The following ANKS1B variants were observed in gnomAD, a reference collection of about 807,000 sequenced individuals.
The protein encoded by ANKS1B is ankyrin repeat and sterile alpha motif domain-containing protein 1B.
A neutral mutation model predicts 148.3 loss-of-function variants in ANKS1B; 36 were observed. The observed-to-expected ratio is 0.24, with a 90% CI of 0.19 to 0.32. The LOEUF is 0.32. ANKS1B is among the 10% of genes least tolerant of loss of function. The pLI, the probability that ANKS1B is intolerant of heterozygous loss-of-function variation, is 1.00. For missense variants in ANKS1B, 1,157 were observed against 1,542.6 expected (o/e 0.75, Z 4.19); for synonymous variants, 542 against 560.8 (o/e 0.97, Z 0.47).
At chr12:98,910,209 A>G (rs1333131940) in intron 17 of ANKS1B, among the ~76,000 whole-genome samples, 2 of 152,198 alleles carry the variant, frequency 1.3e-5, no homozygotes, top group Non-Finnish European at 2.9e-5. Flanking sequence ...TAACAACACA[A>G]AGGAAGTGAA....
At chr12:99,019,503 A>G (rs1160109085) in intron 17 of ANKS1B, among the ~76,000 whole-genome samples, 1 of 152,224 alleles carries the variant, frequency 6.6e-6, no homozygotes, top group East Asian at 1.9e-4. Flanking sequence ...GATGTGAAAT[A>G]ACTGATAAAG....
intron 17 of ANKS1B, among the ~76,000 whole-genome samples, chr12:99,002,034 C>A (rs555314007): frequency 1.3e-5 from 2 of 152,200 alleles, no homozygotes; most frequent in East Asian, 3.9e-4. Context: ...TACATATTGT[C>A]TTTATCCATT....
intron 9 of ANKS1B, among the ~76,000 whole-genome samples, chr12:99,613,610 C>G (rs1168120944): frequency 6.6e-6 from 1 of 152,010 alleles, no homozygotes; most frequent in Admixed American, 6.6e-5. Flanking sequence ...GAACAGAAAA[C>G]TAAGTATTGT....
intron 1 of ANKS1B, among the ~76,000 whole-genome samples, chr12:99,900,988 CA>C (rs1304918485): frequency 6.6e-6 from 1 of 152,112 alleles, no homozygotes; most frequent in African/African-American, 2.4e-5. Context: ...GTCCCCTCAA[CA>C]AGTATAATTA....
At chr12:98,968,228 C>A (rs1181033944) in intron 17 of ANKS1B, among the ~76,000 whole-genome samples, 8 of 152,020 alleles carry the variant, frequency 5.3e-5, no homozygotes, top group Non-Finnish European at 1.0e-4. Flanking sequence ...AAAACAACAA[C>A]AAAAAACCCC....
intron 9 of ANKS1B, among the ~76,000 whole-genome samples, chr12:99,538,474 T>A (rs1400574602): frequency 6.6e-6 from 1 of 152,132 alleles, no homozygotes. Context: ...ATCATTCACT[T>A]CTTTTCTTAA....
At chr12:98,957,927 G>C (rs1237955110) in intron 17 of ANKS1B, among the ~76,000 whole-genome samples, 1 of 152,128 alleles carries the variant, frequency 6.6e-6, no homozygotes, top group Non-Finnish European at 1.5e-5. Context: ...GCAACTCCTA[G>C]AGAGTAGGCA....
intron 17 of ANKS1B, among the ~76,000 whole-genome samples, chr12:98,832,490 G>C (rs2099327101): frequency 6.6e-6 from 1 of 152,028 alleles, no homozygotes; most frequent in Non-Finnish European, 1.5e-5. Flanking sequence ...AGAGGGACAG[G>C]CTGCCCTCTG....
chr12:99,701,060 T>G (rs148475457), intron 8 of ANKS1B, among the ~76,000 whole-genome samples: 1 of 152,276 alleles, frequency 6.6e-6, no homozygotes, highest in East Asian at 1.9e-4. Flanking sequence ...AAACAACACA[T>G]TATAGTTTAA....
intron 2 of ANKS1B, among the ~76,000 whole-genome samples, chr12:99,824,095 T>C (rs563877612): frequency 1.3e-5 from 2 of 152,226 alleles, no homozygotes; most frequent in Non-Finnish European, 2.9e-5. Context: ...AAATTCAAAA[T>C]GAATTTTAGA....
intron 14 of ANKS1B, among the ~76,000 whole-genome samples, chr12:99,195,965 A>G (rs1156476935): frequency 2.0e-5 from 3 of 152,172 alleles, no homozygotes; most frequent in Admixed American, 2.0e-4. Context: ...TAAAGGATTC[A>G]CCATCCACAT....
intron 17 of ANKS1B, among the ~76,000 whole-genome samples, chr12:98,871,475 T>C (rs1253126140): frequency 6.6e-6 from 1 of 152,180 alleles, no homozygotes; most frequent in Non-Finnish European, 1.5e-5. Flanking sequence ...AAAAATTAGA[T>C]ACCTTGCACA....
intron 16 of ANKS1B, chr12:99,079,737 G>C (rs2049002056): frequency 6.6e-6 from 1 of 152,178 alleles, no homozygotes; most frequent in East Asian, 1.9e-4. Context: ...AAGAATCCTT[G>C]AGCTTGCCTT....
chr12:99,241,941 C>T (rs188053351), intron 14 of ANKS1B, among the ~76,000 whole-genome samples: 104 of 152,290 alleles, frequency 6.8e-4, no homozygotes, highest in Non-Finnish European at 1.2e-3. Flanking sequence ...CAGCCAATAT[C>T]ATACTGAACG....
intron 9 of ANKS1B, among the ~76,000 whole-genome samples, chr12:99,632,771 TAATTATAC>T (rs2098183248): frequency 2.0e-5 from 1 of 50,732 alleles, no homozygotes; most frequent in Admixed American, 2.4e-4. Flanking sequence ...ATATATATTT[TAATTATAC>T]TTTAAGTTCT....
intron 1 of ANKS1B, among the ~76,000 whole-genome samples, chr12:99,861,785 G>A (rs1010803559): frequency 1.1e-4 from 16 of 152,034 alleles, no homozygotes; most frequent in Non-Finnish European, 1.8e-4. Context: ...TGTAATTCAC[G>A]ATCTACCCAT....
intron 11 of ANKS1B, among the ~76,000 whole-genome samples, chr12:99,437,477 C>A (rs974066189): frequency 5.3e-5 from 8 of 151,904 alleles, no homozygotes; most frequent in African/African-American, 1.9e-4. Context: ...ATTTAGATGA[C>A]TTGTCTGTGG....
In ANKS1B at chr12:98,781,414, C is replaced by G. The variant is rs141876128; in HGVS notation, c.3355-211G>C. 4,901 of 642,382 alleles carry G rather than the reference C, an allele frequency of 7.6e-3. 115 individuals carry two copies. Among genetic ancestry groups the G allele is most frequent in the East Asian group, 0.048 (1,569 of 32,496 alleles). 39.8% of individuals were successfully genotyped at this position (642,382 alleles called of 1,614,324 possible). A position where few individuals can be genotyped will look rare whatever the true frequency, so the allele number is the denominator to read the frequency against. ...CTCTTGGGCTTAGCTATACTTCGGG[C>G]TTATAAAGTTATCCGTCTTGCCCTT... On this transcript the variant is annotated intron_variant, in intron 23 of 26. Transcript: ENST00000683438.
At chr12:98,794,487 G>T in intron 22 of ANKS1B, 1 of 421,592 alleles carries the variant, frequency 2.4e-6, no homozygotes, top group Non-Finnish European at 4.5e-6. Flanking sequence ...GGTTCAACAT[G>T]TGTATCAAGA....
Sources: gnomAD v4.1 joint callset for allele counts (sites outside exome capture counted in the v4.1 genomes callset) on GRCh38, gnomAD v4.1.1 for gene constraint, MANE v1.5 for transcripts, NCBI Gene and HGNC (gene_info 2026-07-23, HGNC 2026-07-21) for gene names.